The following SPTLC3 variants were observed in gnomAD, a reference collection of about 807,000 sequenced individuals.
SPTLC3 encodes serine palmitoyltransferase 3.
A neutral mutation model predicts 59.3 loss-of-function variants in SPTLC3; 36 were observed. That is an observed-to-expected ratio of 0.61 (90% confidence interval 0.47 to 0.80). The LOEUF is 0.80. SPTLC3 is among the 30% of genes least tolerant of loss of function. SPTLC3 has a pLI of 0.00. For missense variants in SPTLC3, 625 were observed against 685.1 expected (o/e 0.91, Z 0.98); for synonymous variants, 257 against 240.8 (o/e 1.07, Z -0.62).
intron 10 of SPTLC3, among the ~76,000 whole-genome samples, chr20:13,157,629 A>G (rs1600404844): frequency 6.6e-6 from 1 of 152,048 alleles, no homozygotes; most frequent in East Asian, 1.9e-4. Context: ...TAATGTCATC[A>G]TTGGTGATTC....
chr20:13,013,357 C>T (rs1985354760), intron 1 of SPTLC3, among the ~76,000 whole-genome samples: 1 of 152,192 alleles, frequency 6.6e-6, no homozygotes, highest in South Asian at 2.1e-4. Context: ...AGCTGCCTGA[C>T]AGCCGTGGTA....
intron 8 of SPTLC3, among the ~76,000 whole-genome samples, chr20:13,119,770 G>C (rs1487636818): frequency 2.0e-5 from 3 of 152,208 alleles, no homozygotes; most frequent in Admixed American, 6.5e-5. Context: ...CCCTAAAACA[G>C]CAAGATGCAA....
chr20:13,155,619 G>A (rs2038750141), intron 10 of SPTLC3, among the ~76,000 whole-genome samples: 1 of 152,132 alleles, frequency 6.6e-6, no homozygotes, highest in Admixed American at 6.5e-5. Flanking sequence ...GAGGTCAGGA[G>A]ATCGAAACCA....
At chr20:13,163,919 T>C (rs1219347760) in intron 11 of SPTLC3, among the ~76,000 whole-genome samples, 3 of 152,184 alleles carry the variant, frequency 2.0e-5, no homozygotes, top group Admixed American at 2.0e-4. Flanking sequence ...TTATTATTAA[T>C]ATACTTTAAG....
At chr20:13,032,183 C>T (rs1375978731) in intron 1 of SPTLC3, among the ~76,000 whole-genome samples, 2 of 152,138 alleles carry the variant, frequency 1.3e-5, no homozygotes, top group Admixed American at 6.6e-5. Flanking sequence ...TCAATAAAAG[C>T]TCTGTGTTCC....
chr20:13,040,383 G>A (rs529927795), intron 1 of SPTLC3, among the ~76,000 whole-genome samples: 6 of 149,680 alleles, frequency 4.0e-5, no homozygotes, highest in South Asian at 2.1e-4. Flanking sequence ...TTTTTTTGAC[G>A]GAGTCTTGCT....
At chr20:13,084,459 T>A (rs1414901815) in intron 4 of SPTLC3, among the ~76,000 whole-genome samples, 1 of 152,172 alleles carries the variant, frequency 6.6e-6, no homozygotes, top group Non-Finnish European at 1.5e-5. Flanking sequence ...CTGATTTGAA[T>A]CTTGGCTCTA....
intron 1 of SPTLC3, among the ~76,000 whole-genome samples, chr20:13,046,990 A>G (rs1013509846): frequency 2.6e-5 from 4 of 152,210 alleles, no homozygotes; most frequent in African/African-American, 7.2e-5. Context: ...ATATCCACCT[A>G]TGTTAGTTTG....
chr20:13,150,724 A>G (rs1016292379), intron 9 of SPTLC3, among the ~76,000 whole-genome samples: 1 of 152,000 alleles, frequency 6.6e-6, no homozygotes, highest in Non-Finnish European at 1.5e-5. Context: ...TAGACAATCC[A>G]TTCATCTTTC....
At chr20:13,093,875 G>C (rs947349280) in intron 6 of SPTLC3, among the ~76,000 whole-genome samples, 1 of 152,180 alleles carries the variant, frequency 6.6e-6, no homozygotes, top group Non-Finnish European at 1.5e-5. Flanking sequence ...ATTATCAGAA[G>C]TGTTATTACT....
rs151211946 is a variant in SPTLC3 at position 13,121,227 on chromosome 20, G to A, written c.1152+3502G>A. 6.2e-3 allele frequency among the ~76,000 whole-genome samples: 939 copies of A among 152,254 alleles called. 8 individuals carry two copies. The highest frequency in any genetic ancestry group is 0.022 in the African/African-American group (898 of 41,542). Reference sequence around the variant, plus strand: ...CCAGAGACTTGCAAATGAATGAAGCGATGGTAGCCCTTGTAACTGATAGGT... The same window carrying A: ...CCAGAGACTTGCAAATGAATGAAGCAATGGTAGCCCTTGTAACTGATAGGT... On this transcript the variant is annotated intron_variant, in intron 8 of 11. Transcript: ENST00000399002.
intron 8 of SPTLC3, among the ~76,000 whole-genome samples, chr20:13,119,562 T>G (rs1016196690): frequency 2.0e-5 from 3 of 152,246 alleles, no homozygotes; most frequent in African/African-American, 7.2e-5. Context: ...TTCTTATCTC[T>G]TAAAATGCTC....
intron 1 of SPTLC3, among the ~76,000 whole-genome samples, chr20:13,024,830 C>A (rs1214990742): frequency 6.6e-6 from 1 of 152,166 alleles, no homozygotes; most frequent in Non-Finnish European, 1.5e-5. Flanking sequence ...AGCTATTTTC[C>A]TCTTTGTCTT....
At chr20:13,095,999 A>G (rs925029334) in intron 6 of SPTLC3, among the ~76,000 whole-genome samples, 7 of 152,192 alleles carry the variant, frequency 4.6e-5, no homozygotes. Context: ...GTAGATATGC[A>G]TGCAAGTTAC....
intron 2 of SPTLC3, among the ~76,000 whole-genome samples, chr20:13,062,982 TTC>T (rs1988031869): frequency 6.6e-6 from 1 of 152,228 alleles, no homozygotes; most frequent in Non-Finnish European, 1.5e-5. Context: ...ACATTTTAAC[TTC>T]TGAGACATAC....
intron 1 of SPTLC3, among the ~76,000 whole-genome samples, chr20:13,035,683 A>T (rs1483619914): frequency 1.3e-5 from 2 of 152,224 alleles, no homozygotes; most frequent in Non-Finnish European, 2.9e-5. Flanking sequence ...GATTTATCAT[A>T]CATGACTATA....
intron 8 of SPTLC3, among the ~76,000 whole-genome samples, chr20:13,125,562 G>A (rs2037969736): frequency 6.6e-6 from 1 of 152,156 alleles, no homozygotes; most frequent in Non-Finnish European, 1.5e-5. Context: ...TGTGGGCTGG[G>A]CTCAGCTAAG....
At chr20:13,051,455 T>C (rs1987487972) in intron 2 of SPTLC3, among the ~76,000 whole-genome samples, 1 of 152,130 alleles carries the variant, frequency 6.6e-6, no homozygotes, top group Non-Finnish European at 1.5e-5. Flanking sequence ...CTAACAGACC[T>C]AAGAAATGAG....
At chr20:13,104,490 C>A (rs139982222) in intron 6 of SPTLC3, among the ~76,000 whole-genome samples, 10,459 of 152,250 alleles carry the variant, frequency 0.069, 381 homozygotes, top group South Asian at 0.11. Context: ...GCTTCCCCAG[C>A]CACGTGGAGC....
Sources: gnomAD v4.1 joint callset for allele counts (sites outside exome capture counted in the v4.1 genomes callset) on GRCh38, gnomAD v4.1.1 for gene constraint, MANE v1.5 for transcripts, NCBI Gene and HGNC (gene_info 2026-07-23, HGNC 2026-07-21) for gene names.